HS3ST5: variants seen among roughly 807,000 people sequenced by gnomAD.
The protein encoded by HS3ST5 is heparan sulfate glucosamine 3-O-sulfotransferase 5.
Under a neutral mutation model 25.4 loss-of-function variants are expected in HS3ST5, and 10 were observed. The ratio of observed to expected loss-of-function variants is 0.39; its 90% confidence interval spans 0.24 to 0.67. HS3ST5 has a LOEUF of 0.67. HS3ST5 is among the 30% of genes least tolerant of loss of function. HS3ST5 has a pLI of 0.44. For synonymous variants in HS3ST5, 170 were observed against 162.4 expected (o/e 1.05, Z -0.36); for missense variants, 324 against 420.7 (o/e 0.77, Z 2.01).
At chr6:114,302,226 C>A (rs1775106948) in intron 1 of HS3ST5, among the ~76,000 whole-genome samples, 1 of 151,826 alleles carries the variant, frequency 6.6e-6, no homozygotes, top group Admixed American at 6.6e-5. Context: ...ATGAGAAAGA[C>A]AGAAAAATTA....
chr6:114,152,094 C>T (rs6928999), intron 3 of HS3ST5, among the ~76,000 whole-genome samples: 42,800 of 151,662 alleles, frequency 0.28, 6,638 homozygotes, highest in South Asian at 0.45. Context: ...CCATGCCCGG[C>T]GAATTTTTTA....
intron 4 of HS3ST5, chr6:114,058,948 A>C (rs1215860869): frequency 6.6e-6 from 1 of 152,188 alleles, no homozygotes; most frequent in East Asian, 1.9e-4. Flanking sequence ...CATCAACAAG[A>C]CCTTGACAGG....
intron 3 of HS3ST5, among the ~76,000 whole-genome samples, chr6:114,114,193 T>C (rs1360747013): frequency 6.6e-6 from 1 of 152,158 alleles, no homozygotes; most frequent in Non-Finnish European, 1.5e-5. Context: ...GTGCCAAACA[T>C]GTAGCAGGTT....
Position 114,057,378 on chromosome 6 carries a change from C to A in HS3ST5, c.920G>T (p.Gly307Val). 1 of 1,614,062 alleles carries A rather than the reference C, an allele frequency of 6.2e-7. No individual in the cohort carries two copies. The highest frequency in any genetic ancestry group is 8.5e-7 in the Non-Finnish European group (1 of 1,180,000). Residue 307 changes from glycine (G) to valine (V), a missense_variant, in exon 5 of 5, where the codon GGC (glycine) becomes GTC (valine). This residue lies in a region of HS3ST5 where 203 missense variants were observed against 303.4 expected (regional missense o/e 0.67). Transcript: ENST00000312719. ...CTCTGGATGAATGCGCCCCTTGCTG[C>A]CCGCCAGGCACTTATTAAAGATAAT... The part of the protein sequence containing the change: ...FNIIFNKCLA[G>V]SKGRIHPEVD...
At chr6:114,185,164 A>G (rs1051609607) in intron 2 of HS3ST5, among the ~76,000 whole-genome samples, 4 of 152,312 alleles carry the variant, frequency 2.6e-5, no homozygotes, top group South Asian at 4.1e-4. Flanking sequence ...TGAAATAGGC[A>G]TGAGTTTTGA....
intron 1 of HS3ST5, among the ~76,000 whole-genome samples, chr6:114,232,136 A>C (rs1247298343): frequency 6.6e-6 from 1 of 152,116 alleles, no homozygotes; most frequent in African/African-American, 2.4e-5. Flanking sequence ...CTCTCGTATT[A>C]TCCATATTCT....
chr6:114,261,706 T>C (rs1189073947), intron 1 of HS3ST5, among the ~76,000 whole-genome samples: 1 of 152,238 alleles, frequency 6.6e-6, no homozygotes, highest in East Asian at 1.9e-4. Flanking sequence ...TTCTTAACTA[T>C]TGATTAATAT....
chr6:114,229,297 A>G (rs1290119752), intron 1 of HS3ST5, among the ~76,000 whole-genome samples: 1 of 152,240 alleles, frequency 6.6e-6, no homozygotes, highest in Admixed American at 6.5e-5. Flanking sequence ...GGGAAAACCA[A>G]AATTCTAGAA....
intron 3 of HS3ST5, among the ~76,000 whole-genome samples, chr6:114,085,482 C>T (rs769496825): frequency 2.6e-5 from 4 of 152,158 alleles, no homozygotes; most frequent in Non-Finnish European, 5.9e-5. Context: ...TGTGAAATAT[C>T]AGAGTTCATT....
At chr6:114,201,789 T>A (rs1264784059) in intron 2 of HS3ST5, among the ~76,000 whole-genome samples, 1 of 152,174 alleles carries the variant, frequency 6.6e-6, no homozygotes, top group Admixed American at 6.5e-5. Context: ...CAGTTCAGCA[T>A]GGCTGGGGAG....
chr6:114,166,659 G>A (rs920623895), intron 3 of HS3ST5, among the ~76,000 whole-genome samples: 5 of 152,080 alleles, frequency 3.3e-5, no homozygotes, highest in African/African-American at 1.2e-4. Flanking sequence ...GTGAACCTAG[G>A]AATGAGAGGT....
intron 1 of HS3ST5, among the ~76,000 whole-genome samples, chr6:114,301,904 G>A (rs931920748): frequency 6.6e-6 from 1 of 152,090 alleles, no homozygotes; most frequent in Non-Finnish European, 1.5e-5. Flanking sequence ...TTTTTAAGAA[G>A]AAAAAATAGC....
intron 3 of HS3ST5, among the ~76,000 whole-genome samples, chr6:114,117,682 T>C (rs764822616): frequency 6.6e-6 from 1 of 152,146 alleles, no homozygotes; most frequent in Non-Finnish European, 1.5e-5. Flanking sequence ...TTATCTCCTC[T>C]GCCAAGTAAA....
chr6:114,241,718 C>T (rs888199290), intron 1 of HS3ST5, among the ~76,000 whole-genome samples: 2 of 151,908 alleles, frequency 1.3e-5, no homozygotes, highest in African/African-American at 4.8e-5. Flanking sequence ...CCAACTAAAC[C>T]CGGCTAGGAG....
At chr6:114,107,500 C>T (rs1367276635) in intron 3 of HS3ST5, among the ~76,000 whole-genome samples, 3 of 152,200 alleles carry the variant, frequency 2.0e-5, no homozygotes, top group Non-Finnish European at 4.4e-5. Flanking sequence ...CTTACCACTT[C>T]TACTCAACAT....
chr6:114,201,407 C>T (rs958877365), intron 2 of HS3ST5, among the ~76,000 whole-genome samples: 2 of 152,154 alleles, frequency 1.3e-5, no homozygotes, highest in Non-Finnish European at 2.9e-5. Flanking sequence ...TTCCAATAGT[C>T]GTTTACTAGT....
chr6:114,184,246 A>G (rs947908392), intron 2 of HS3ST5, among the ~76,000 whole-genome samples: 13 of 152,010 alleles, frequency 8.6e-5, no homozygotes, highest in African/African-American at 3.1e-4. Flanking sequence ...CTGACTGCTT[A>G]TAGTAAAATG....
intron 3 of HS3ST5, among the ~76,000 whole-genome samples, chr6:114,066,273 G>A (rs1347561068): frequency 6.6e-6 from 1 of 152,178 alleles, no homozygotes; most frequent in Non-Finnish European, 1.5e-5. Context: ...ATTCTCTATG[G>A]CAAGTTTGCA....
At chr6:114,131,740 A>C (rs1777344627) in intron 3 of HS3ST5, among the ~76,000 whole-genome samples, 1 of 152,228 alleles carries the variant, frequency 6.6e-6, no homozygotes, top group African/African-American at 2.4e-5. Context: ...AAAAATAAAA[A>C]ATCCACAAAT....
Sources: gnomAD v4.1 joint callset for allele counts (sites outside exome capture counted in the v4.1 genomes callset) on GRCh38, gnomAD v4.1.1 for gene constraint, gnomAD v4.1.1 regional missense constraint, MANE v1.5 for transcripts, NCBI Gene and HGNC (gene_info 2026-07-23, HGNC 2026-07-21) for gene names.